The following CSMD2 variants were observed in gnomAD, a reference collection of about 807,000 sequenced individuals.
CSMD2 encodes CUB and Sushi multiple domains 2, also known as CUB and sushi domain-containing protein 2.
In CSMD2, 130 loss-of-function variants were observed where a neutral mutation model predicts 398.5. The ratio of observed to expected loss-of-function variants is 0.33; its 90% confidence interval spans 0.28 to 0.38. The LOEUF (loss-of-function observed/expected upper bound fraction) is 0.38. Ranked by LOEUF, CSMD2 falls within the 10% of genes least tolerant of loss-of-function variation. The pLI, the probability that CSMD2 is intolerant of heterozygous loss-of-function variation, is 1.00. For missense variants in CSMD2, 3,829 were observed against 4,764.9 expected, an observed-to-expected ratio of 0.80 and a Z score of 5.78; for synonymous variants, 1,828 against 1,908.5, an observed-to-expected ratio of 0.96 and a Z score of 1.10.
At chr1:33,752,940 T>A (rs1648462377) in intron 13 of CSMD2, among the ~76,000 whole-genome samples, 1 of 152,150 alleles carries the variant, frequency 6.6e-6, no homozygotes, top group Non-Finnish European at 1.5e-5. Flanking sequence ...ACCTAGGGTA[T>A]CTGATGGAAA....
chr1:34,049,431 C>T (rs912191558), intron 2 of CSMD2, among the ~76,000 whole-genome samples: 1 of 152,138 alleles, frequency 6.6e-6, no homozygotes, highest in African/African-American at 2.4e-5. Context: ...GTAGATGACC[C>T]TGGATTCTGA....
intron 44 of CSMD2, among the ~76,000 whole-genome samples, chr1:33,589,397 C>A (rs1006018650): frequency 4.5e-4 from 68 of 152,174 alleles, no homozygotes; most frequent in African/African-American, 1.6e-3. Context: ...ACAAATACAT[C>A]CCTTGCCCTC....
At chr1:34,126,811 G>A (rs944490452) in intron 1 of CSMD2, among the ~76,000 whole-genome samples, 1 of 149,534 alleles carries the variant, frequency 6.7e-6, no homozygotes, top group Admixed American at 6.7e-5. Context: ...ATAGGGGAGA[G>A]AGAGAGACAT....
intron 55 of CSMD2, among the ~76,000 whole-genome samples, chr1:33,555,166 G>C (rs1285264369): frequency 2.0e-5 from 3 of 152,146 alleles, no homozygotes. Context: ...AAAGCTGATT[G>C]CACCCCTCAC....
intron 3 of CSMD2, among the ~76,000 whole-genome samples, chr1:33,999,856 T>A (rs1321538030): frequency 6.6e-6 from 1 of 152,240 alleles, no homozygotes; most frequent in Non-Finnish European, 1.5e-5. Flanking sequence ...AGCATTAATG[T>A]CCTTCAAGAG....
intron 10 of CSMD2, among the ~76,000 whole-genome samples, chr1:33,801,441 G>A (rs893238677): frequency 1.3e-5 from 2 of 152,124 alleles, no homozygotes; most frequent in East Asian, 3.9e-4. Flanking sequence ...AACAAGAGGA[G>A]GCCCTGGAGG....
At chr1:33,668,156 G>C (rs1237806749) in intron 25 of CSMD2, among the ~76,000 whole-genome samples, 1 of 152,174 alleles carries the variant, frequency 6.6e-6, no homozygotes, top group African/African-American at 2.4e-5. Context: ...CATGTGCAAA[G>C]GTCACAATGG....
intron 25 of CSMD2, among the ~76,000 whole-genome samples, chr1:33,692,254 T>C (rs1645265553): frequency 6.6e-6 from 1 of 152,218 alleles, no homozygotes. Context: ...GGAAGGAAGT[T>C]ACATTTTGAT....
At chr1:33,991,564 C>T (rs1425644076) in intron 3 of CSMD2, among the ~76,000 whole-genome samples, 1 of 152,154 alleles carries the variant, frequency 6.6e-6, no homozygotes, top group African/African-American at 2.4e-5. Flanking sequence ...AGCTTTGCAA[C>T]AGGATCAAAG....
chr1:34,044,288 G>A (rs3098283), intron 2 of CSMD2, among the ~76,000 whole-genome samples: 150,621 of 152,348 alleles, frequency 0.99, 74,483 homozygotes, highest in Middle Eastern at 1. Flanking sequence ...AAATAAAGCA[G>A]GGATTTTTCA....
In CSMD2 at chr1:33,611,385, C is replaced by T. The variant is rs575034932; in HGVS notation, c.6134-135G>A. 6.4e-5 allele frequency: 48 copies of T among 747,000 alleles called. No individual in the cohort carries two copies. In the African/African-American group the frequency reaches 8.2e-4, roughly 13 times the overall value. The allele number at this position is 747,000 out of a possible 1,614,324, so 46.3% of individuals were successfully genotyped here. A position where few individuals can be genotyped will look rare whatever the true frequency, so the allele number is the denominator to read the frequency against. On this transcript the variant is annotated intron_variant, in intron 40 of 70. Transcript: ENST00000373381. ...TCCCACCCAGCCAAGGCTCCTAGAA[C>T]TGGCTTTGGGAATTGCCCGTCCAGC...
chr1:33,868,418 C>T (rs1236557537), intron 5 of CSMD2, among the ~76,000 whole-genome samples: 4 of 152,030 alleles, frequency 2.6e-5, no homozygotes, highest in South Asian at 2.1e-4. Flanking sequence ...TCTCACGTTC[C>T]GGTGAGGAGA....
chr1:33,985,631 C>CT (rs1211160496), intron 3 of CSMD2, among the ~76,000 whole-genome samples: 1 of 152,150 alleles, frequency 6.6e-6, no homozygotes, highest in African/African-American at 2.4e-5. Flanking sequence ...CCTCTCTTGG[C>CT]TTTGGATAAA....
At chr1:33,768,964 C>G (rs1183012621) in intron 13 of CSMD2, among the ~76,000 whole-genome samples, 1 of 152,176 alleles carries the variant, frequency 6.6e-6, no homozygotes, top group Non-Finnish European at 1.5e-5. Context: ...TTCATGCATT[C>G]TTGGCATATC....
chr1:33,918,207 T>C lies in CSMD2; in HGVS notation c.807A>G (p.Thr269=). ...PSEYHNNADC[T]WTILAELGDT... ...CCCCCAGCTCAGCCAGGATGGTCCA[T>C]GTGCAGTCGGCATTGTTATGGTACT... The change falls in exon 5 of 71, where the codon ACA becomes ACG. Residue 269 remains threonine (T), a synonymous_variant. Transcript: ENST00000373381. 6.2e-7 allele frequency: 1 copy of C among 1,614,172 alleles called. No individual in the cohort carries two copies. Among genetic ancestry groups the C allele is most frequent in the Non-Finnish European group, 8.5e-7 (1 of 1,180,032 alleles).
At chr1:34,120,559 T>C (rs960702598) in intron 1 of CSMD2, among the ~76,000 whole-genome samples, 3 of 152,214 alleles carry the variant, frequency 2.0e-5, no homozygotes, top group African/African-American at 7.2e-5. Flanking sequence ...AATTTCTTTT[T>C]TTGAGATTGA....
intron 1 of CSMD2, among the ~76,000 whole-genome samples, chr1:34,108,846 C>A (rs1660774126): frequency 6.6e-6 from 1 of 152,132 alleles, no homozygotes; most frequent in Non-Finnish European, 1.5e-5. Context: ...GGAGGGCAAT[C>A]CTTGCAAGGT....
At chr1:33,716,583 T>C (rs1646177622) in intron 19 of CSMD2, 82 bp from the exon 20 acceptor site, 15 of 1,002,636 alleles carry the variant, frequency 1.5e-5, no homozygotes, top group Admixed American at 2.1e-5. Flanking sequence ...TACACAAACA[T>C]TTCCAGTTTG....
chr1:34,084,329 C>A (rs999748106), intron 2 of CSMD2, among the ~76,000 whole-genome samples: 1 of 152,144 alleles, frequency 6.6e-6, no homozygotes, highest in African/African-American at 2.4e-5. Context: ...GTCAGAAAAC[C>A]CAAGTGTCTA....
Sources: gnomAD v4.1 joint callset for allele counts (sites outside exome capture counted in the v4.1 genomes callset) on GRCh38, gnomAD v4.1.1 for gene constraint, MANE v1.5 for transcripts, NCBI Gene and HGNC (gene_info 2026-07-23, HGNC 2026-07-21) for gene names.